LAMA5: variants seen among roughly 807,000 people sequenced by gnomAD.
The protein encoded by LAMA5 is laminin subunit alpha-5.
A neutral mutation model predicts 433.4 loss-of-function variants in LAMA5; 260 were observed. The ratio of observed to expected loss-of-function variants is 0.60; its 90% CI spans 0.54 to 0.66. The LOEUF (loss-of-function observed/expected upper bound fraction) is 0.66. LAMA5 is among the 30% of genes least tolerant of loss of function. The probability of loss-of-function intolerance (pLI) is 0.00; values close to 1 mark genes in which losing one functional copy is unlikely to be tolerated. For missense variants in LAMA5, 5,378 were observed against 5,258.5 expected (o/e 1.02, Z -0.70); for synonymous variants, 2,620 against 2,226.6 (o/e 1.18, Z -4.97).
intron 32 of LAMA5, 107 bp from the exon 33 acceptor site, chr20:62,329,360 C>A (rs941251623): frequency 1.3e-6 from 1 of 784,100 alleles, no homozygotes; most frequent in Non-Finnish European, 2.0e-6. Flanking sequence ...AGAGTCCTGG[C>A]AGCAGCAGCC....
At position 62,318,975 on chromosome 20, in the gene LAMA5, C is replaced by T; in HGVS notation, c.6910G>A (p.Ala2304Thr). The stretch of plus-strand genomic sequence containing the variant: ...AGCTGCTCACCTGATGGAGCCGAGG[C>T]ATTGGCCAGCCCCAGGTGGCCCGTC... ...SQTGHLGLAN[A>T]SAPSGEQLLR... Residue 2304 changes from alanine (A) to threonine (T), a missense_variant, in exon 52 of 80, where the codon GCC becomes ACC. Transcript: ENST00000252999. 1 of 1,593,758 alleles carries T rather than the reference C, an allele frequency of 6.3e-7. No homozygotes were observed. Among genetic ancestry groups the T allele is most frequent in the Non-Finnish European group, 8.5e-7 (1 of 1,172,396 alleles).
At position 62,320,807 on chromosome 20, in the gene LAMA5, C is replaced by G; in HGVS notation, c.6580G>C (p.Gly2194Arg). Residue 2194 changes from glycine (G) to arginine (R), a missense_variant, in exon 49 of 80, where the codon GGC becomes CGC. By Grantham distance (125) the Gly-to-Arg change is moderately radical. Transcript: ENST00000252999. The part of the protein sequence containing the change: ...LLPAIHEQLR[G>R]INASSMAWAR... The stretch of plus-strand genomic sequence containing the variant: ...CAGGCCATGGAGCTGGCATTGATGC[C>G]ACGCAGTTGCTCGTGAATGGCGGGG... The G allele has an allele frequency of 6.2e-7, 1 of 1,612,678 alleles. No individual in the cohort carries two copies. Among genetic ancestry groups the G allele is most frequent in the East Asian group, 2.2e-5 (1 of 44,892 alleles).
At chr20:62,334,935 G>T in intron 20 of LAMA5, 86 bp downstream of exon 20, 1 of 1,278,892 alleles carries the variant, frequency 7.8e-7, no homozygotes, top group Non-Finnish European at 1.1e-6. Context: ...TGCCCAGGCT[G>T]CACTTGTCCC....
At chr20:62,336,926 G>A in intron 16 of LAMA5, 140 bp from the exon 17 acceptor site, 6 of 795,524 alleles carry the variant, frequency 7.5e-6, no homozygotes, top group Non-Finnish European at 1.3e-5. Flanking sequence ...TGGACGGCCT[G>A]AAAACACGCA....
chr20:62,316,231 TAGCCTCTGTTCCCTGAA>T lies in LAMA5; in HGVS notation c.7757-190_7757-174del, dbSNP rs1216639742. 1,381 of 610,518 alleles carry T rather than the reference TAGCCTCTGTTCCCTGAA, an allele frequency of 2.3e-3. 9 individuals carry two copies. The highest frequency in any genetic ancestry group is 0.023 in the African/African-American group (1,228 of 54,314). The allele number at this position is 610,518 out of a possible 1,614,324, so 37.8% of individuals were successfully genotyped here. On this transcript the variant is annotated intron_variant, in intron 57 of 79. Transcript: ENST00000252999. ...TGTGGGGAGGTGTTGAGTCTCAGCGTAGCCTCTGTTCCCTGAAGGCCTCTGGTCCCACTGCAGGCATA... is the reference window on the plus strand; with the variant it reads ...TGTGGGGAGGTGTTGAGTCTCAGCGTGGCCTCTGGTCCCACTGCAGGCATA...
rs766367389 is a variant in LAMA5 at position 62,319,785 on chromosome 20, G to A, written c.6770C>T (p.Thr2257Ile). The part of the protein sequence containing the change: ...ARRLGGQAVG[T>I]RDQASQLLAG... ...CAGCAATTGGCTCGCCTGGTCTCGG[G>A]TCCCCACGGCCTGTGGAGGAAGAGC... Residue 2257 changes from threonine (T) to isoleucine (I), a missense_variant, in exon 51 of 80, where the codon ACC becomes ATC. By Grantham distance (89) the Thr-to-Ile change is moderately conservative. Coordinates refer to ENST00000252999, the MANE Select transcript of LAMA5 (RefSeq NM_005560.6). The A allele has an allele frequency of 6.5e-7, 1 of 1,546,350 alleles. No homozygotes were observed. Among genetic ancestry groups the A allele is most frequent in the Non-Finnish European group, 8.7e-7 (1 of 1,146,298 alleles).
intron 7 of LAMA5, 45 bp downstream of exon 7, chr20:62,346,850 ACCGGGGCCCTCTCATGGG>A: frequency 6.2e-7 from 1 of 1,603,842 alleles, no homozygotes; most frequent in Non-Finnish European, 8.5e-7. Flanking sequence ...AGGCCCGGGC[ACCGGGGCCCTCTCATGGG>A]CCAGGGTGTG....
Position 62,309,174 on chromosome 20 carries a change from T to G in LAMA5, c.*162A>C, listed in dbSNP as rs1370815826. 12 of 713,106 alleles carry G rather than the reference T, an allele frequency of 1.7e-5. No homozygotes were observed. The highest frequency in any genetic ancestry group is 1.3e-4 in the African/African-American group (7 of 55,196). The allele number at this position is 713,106 out of a possible 1,614,324, so 44.2% of individuals were successfully genotyped here. ...GGCCAAATATAAAAACATTTTGCAG[T>G]ATTTTATTCTTTCGTTTAAGAAGCT... On this transcript the variant is annotated 3_prime_UTR_variant, in exon 80 of 80. Transcript: ENST00000252999.
In LAMA5 at chr20:62,360,735, A is replaced by G. The variant is rs544607142; in HGVS notation, c.450+1665T>C. Among the ~76,000 whole-genome samples, 582 of 150,830 alleles carry G rather than the reference A, an allele frequency of 3.9e-3. 6 individuals carry two copies. The highest frequency in any genetic ancestry group is 0.017 in the Middle Eastern group (5 of 294). ...TCCTCTTCCCTCCGTATCATTTTAC[A>G]GTTGGTGAAACTGAGGCTGTGAGAG... On this transcript the variant is annotated intron_variant, in intron 2 of 79. Coordinates refer to ENST00000252999, the MANE Select transcript of LAMA5 (RefSeq NM_005560.6).
intron 40 of LAMA5, 24 bp from the exon 41 acceptor site, chr20:62,325,570 A>T: frequency 6.7e-7 from 1 of 1,501,822 alleles, no homozygotes; most frequent in Non-Finnish European, 9.2e-7. Context: ...ATGGCACCTC[A>T]GTGGGGCCAC....
rs1006444151 is a variant in LAMA5, at chr20:62,313,743, T to C, written c.8564A>G (p.Lys2855Arg). 3.1e-6 allele frequency: 5 copies of C among 1,612,796 alleles called. No individual in the cohort carries two copies. The highest frequency in any genetic ancestry group is 2.2e-5 in the East Asian group (1 of 44,880). The change falls in exon 63 of 80, where the codon AAG becomes AGG. Residue 2855 changes from lysine (K) to arginine (R), a missense_variant. Transcript: ENST00000252999. ...TVERQMIQET[K>R]GDTVAPGAEG... is the part of the protein sequence containing the mutation. ...TGCCCCAGGGGCCACCGTGTCACCC[T>C]TGGTTTCCTGGATCATCTGTCTCTC... is the stretch of plus-strand genomic sequence containing the variant.
intron 1 of LAMA5, among the ~76,000 whole-genome samples, chr20:62,365,547 T>A (rs1986626326): frequency 6.6e-6 from 1 of 152,182 alleles, no homozygotes; most frequent in South Asian, 2.1e-4. Context: ...GAGCCTCCCC[T>A]GCCAGAACGG....
At chr20:62,365,552 G>A (rs1986626601) in intron 1 of LAMA5, among the ~76,000 whole-genome samples, 1 of 152,224 alleles carries the variant, frequency 6.6e-6, no homozygotes, top group Admixed American at 6.5e-5. Context: ...TCCCCTGCCA[G>A]AACGGCAAAA....
chr20:62,346,825 T>TG (rs1419479714), intron 7 of LAMA5, 25 bp from the exon 8 acceptor site: 6 of 1,607,950 alleles, frequency 3.7e-6, no homozygotes, highest in Non-Finnish European at 5.1e-6. Flanking sequence ...GCGCAGCTGT[T>TG]GGCACGCCCT....
rs563091386 is a variant in LAMA5, at chr20:62,317,576, G to A, written c.7357-77C>T. On this transcript the variant is annotated intron_variant, in intron 54 of 79. Transcript: ENST00000252999. ...ACGACCCTGAGGGCGGGCTCTGCAC[G>A]CAAGTGTGCACACAAAGCTGCCCAC... The A allele has an allele frequency of 3.9e-5, 60 of 1,520,056 alleles. No homozygotes were observed. The East Asian group carries it at 6.5e-4, about 16-fold the overall frequency. The allele number at this position is 1,520,056 out of a possible 1,614,324, so 94.2% of individuals were successfully genotyped here.
intron 45 of LAMA5, 41 bp from the exon 46 acceptor site, chr20:62,322,799 C>T (rs955919326): frequency 3.1e-6 from 4 of 1,293,450 alleles, no homozygotes; most frequent in Middle Eastern, 2.7e-4. Context: ...GGCCCTCTCA[C>T]CCCCCCAGGG....
Position 62,309,391 on chromosome 20 carries a change from G to C in LAMA5, c.11033C>G (p.Thr3678Ser), listed in dbSNP as rs541928558. The change falls in exon 80 of 80, where the codon ACT becomes AGT. Residue 3678 changes from threonine to serine, a missense_variant. Transcript: ENST00000252999. ...LAVNRSPVAM[T>S]RSVEVHGAVG... The stretch of plus-strand genomic sequence containing the variant: ...TGCCCCGTGGACCTCCACAGAGCGA[G>C]TCATGGCGACGGGGGACCGGTTCAC... The C allele has an allele frequency of 1.1e-5, 18 of 1,589,794 alleles. No individual in the cohort carries two copies. Among genetic ancestry groups the C allele is most frequent in the Middle Eastern group, 2.2e-4 (1 of 4,452 alleles).
rs1286137485 is a variant in LAMA5 at position 62,336,793 on chromosome 20, A to G, written c.2165-7T>C. 1.2e-6 allele frequency: 2 copies of G among 1,612,332 alleles called. No homozygotes were observed. The highest frequency in any genetic ancestry group is 2.2e-5 in the East Asian group (1 of 44,890). On this transcript the variant is annotated splice_region_variant and splice_polypyrimidine_tract_variant and intron_variant, in intron 16 of 79. Transcript: ENST00000252999. The stretch of plus-strand genomic sequence containing the variant: ...GCAGGGTGGCAAGAGCCAGCTGTGA[A>G]GAGAGGACCATGCCTCGGTCATTTC...
Position 62,314,173 on chromosome 20 carries a change from CGGAGAGGCGAGGGGTGGCGAGTGGGCAT to C in LAMA5, c.8504+103_8504+130del, listed in dbSNP as rs1257840758. On this transcript the variant is annotated intron_variant, in intron 62 of 79. Transcript: ENST00000252999. ...AGAGACGAGGGGTGGCGAGTGGGCA[CGGAGAGGCGAGGGGTGGCGAGTGGGCAT>C]GGAGAGGTGAAGGGTGGTGGGTGCA... 4.4e-5 allele frequency: 52 copies of C among 1,171,724 alleles called. No individual in the cohort carries two copies. In the South Asian group the frequency reaches 4.6e-4, roughly 10 times the overall value. 72.6% of individuals were successfully genotyped at this position (1,171,724 alleles called of 1,614,324 possible). A position where few individuals can be genotyped will look rare whatever the true frequency, so the allele number is the denominator to read the frequency against.
Sources: gnomAD v4.1 joint callset for allele counts (sites outside exome capture counted in the v4.1 genomes callset) on GRCh38, gnomAD v4.1.1 for gene constraint, MANE v1.5 for transcripts, NCBI Gene and HGNC (gene_info 2026-07-23, HGNC 2026-07-21) for gene names.